IL13RA1: variants seen among roughly 807,000 people sequenced by gnomAD.
IL13RA1 encodes interleukin-13 receptor subunit alpha-1.
Under a neutral mutation model 33.8 loss-of-function variants are expected in IL13RA1, and 14 were observed. That is an observed-to-expected ratio of 0.41 (90% CI 0.27 to 0.65). The LOEUF (loss-of-function observed/expected upper bound fraction) is 0.65, where lower values mean the gene tolerates loss of function less well. IL13RA1 is among the 30% of genes least tolerant of loss of function. The probability of loss-of-function intolerance (pLI) is 0.28; values close to 1 mark genes in which losing one functional copy is unlikely to be tolerated. For synonymous variants in IL13RA1, 116 were observed against 115.7 expected, an observed-to-expected ratio of 1.00 and a Z score of -0.02; for missense variants, 313 against 327.0, an observed-to-expected ratio of 0.96 and a Z score of 0.33.
intron 5 of IL13RA1, among the ~76,000 whole-genome samples, chrX:118,760,784 G>A (rs2017582067): frequency 8.9e-6 from 1 of 111,775 alleles, no homozygotes; most frequent in African/African-American, 3.3e-5. Flanking sequence ...TTGCTTCCAG[G>A]AACTTCCAAG....
intron 10 of IL13RA1, among the ~76,000 whole-genome samples, chrX:118,778,955 C>T (rs951540018): frequency 2.7e-5 from 3 of 111,941 alleles, no homozygotes; most frequent in African/African-American, 9.7e-5. Context: ...TGTCTTAATG[C>T]TAGACTTCTC....
intron 4 of IL13RA1, among the ~76,000 whole-genome samples, chrX:118,755,973 G>A (rs919953912): frequency 9.0e-6 from 1 of 110,657 alleles, no homozygotes; most frequent in Non-Finnish European, 1.9e-5. Context: ...GCATTCCTTT[G>A]TGCAGCCTTT....
chrX:118,765,722 AAC>A (rs1451019019), intron 6 of IL13RA1, among the ~76,000 whole-genome samples: 1 of 112,400 alleles, frequency 8.9e-6, no homozygotes, highest in Non-Finnish European at 1.9e-5. Flanking sequence ...AGTAGATAAT[AAC>A]AGTTTTCCTG....
At chrX:118,756,261 A>G (rs891956961) in intron 4 of IL13RA1, among the ~76,000 whole-genome samples, 1 of 111,272 alleles carries the variant, frequency 9.0e-6, no homozygotes, top group Non-Finnish European at 1.9e-5. Flanking sequence ...TTTGTGGCTG[A>G]TGATGTAAGA....
At chrX:118,735,611 G>A (rs765436928) in intron 1 of IL13RA1, among the ~76,000 whole-genome samples, 2 of 111,816 alleles carry the variant, frequency 1.8e-5, no homozygotes, top group African/African-American at 3.3e-5. Context: ...GCAGTAGCAC[G>A]ATCTCAGCTC....
At chrX:118,777,915 T>G (rs974200616) in intron 10 of IL13RA1, among the ~76,000 whole-genome samples, 2 of 112,084 alleles carry the variant, frequency 1.8e-5, no homozygotes, top group African/African-American at 6.5e-5. Context: ...TACTGCATAG[T>G]AGATAATAGC....
chrX:118,756,521 T>C (rs1242747558), intron 4 of IL13RA1, among the ~76,000 whole-genome samples: 1 of 111,113 alleles, frequency 9.0e-6, no homozygotes, highest in Non-Finnish European at 1.9e-5. Context: ...CTGGCAGTGA[T>C]TGGAGGGCAC....
At chrX:118,756,883 G>A (rs181478686) in intron 4 of IL13RA1, among the ~76,000 whole-genome samples, 158 of 111,492 alleles carry the variant, frequency 1.4e-3, no homozygotes, top group Non-Finnish European at 2.5e-3. Flanking sequence ...GGAGATCTGG[G>A]ATTTGTTCTG....
chrX:118,799,522 C>G (rs1445346279), downstream of IL13RA1, among the ~76,000 whole-genome samples: 1 of 110,763 alleles, frequency 9.0e-6, no homozygotes, highest in Non-Finnish European at 1.9e-5. Context: ...GTGCACCAAT[C>G]GACACTCTGT....
rs1245045313 is a variant in IL13RA1 at position 118,773,060 on chromosome X, A to G, written c.1010-819A>G. Among the ~76,000 whole-genome samples, 3 of 112,422 alleles carry G rather than the reference A, an allele frequency of 2.7e-5. No homozygotes were observed. The Admixed American group carries it at 2.8e-4, about 11-fold the overall frequency. The stretch of plus-strand genomic sequence containing the variant: ...AACATTATTTTATGTACATAGAGAA[A>G]TTTTTATTATGAATGTTTGAGCTCA... On this transcript the variant is annotated intron_variant, in intron 8 of 10. Coordinates refer to ENST00000371666, the MANE Select transcript of IL13RA1 (RefSeq NM_001560.3).
chrX:118,757,678 C>CT (rs765835021), intron 4 of IL13RA1, among the ~76,000 whole-genome samples: 1,506 of 58,326 alleles, frequency 0.026, 334 homozygotes, highest in Non-Finnish European at 0.029. Context: ...AGAATTCTGC[C>CT]TTTTTTTTTT....
At chrX:118,801,670 T>C in the IL13RA1 span, among the ~76,000 whole-genome samples, 1 of 112,646 alleles carries the variant, frequency 8.9e-6, no homozygotes, top group Non-Finnish European at 1.9e-5. Flanking sequence ...CTGTGAGGTG[T>C]CAGTGAAATA....
At chrX:118,765,591 T>C (rs866531394) in intron 6 of IL13RA1, among the ~76,000 whole-genome samples, 1 of 112,370 alleles carries the variant, frequency 8.9e-6, no homozygotes, top group Admixed American at 9.5e-5. Context: ...TCCCATTTGG[T>C]TTTATGAATG....
intron 1 of IL13RA1, among the ~76,000 whole-genome samples, chrX:118,737,767 A>G (rs2017297904): frequency 8.9e-6 from 1 of 112,174 alleles, no homozygotes; most frequent in East Asian, 2.8e-4. Flanking sequence ...TGAACCACAA[A>G]TAGGTATATT....
chrX:118,742,168 G>A lies in IL13RA1; in HGVS notation c.228+1012G>A, dbSNP rs2017351492. 9.8e-5 allele frequency among the ~76,000 whole-genome samples: 11 copies of A among 112,149 alleles called. No homozygotes were observed. The South Asian group carries it at 4.1e-3, about 42-fold the overall frequency. On this transcript the variant is annotated intron_variant, in intron 2 of 10. Coordinates refer to ENST00000371666, the MANE Select transcript of IL13RA1 (RefSeq NM_001560.3). ...CCTCTGGAGGGAAATTTGCTAATCT[G>A]CCTTCCTCTCCCTTGTCCTGCTGAG...
intron 4 of IL13RA1, among the ~76,000 whole-genome samples, chrX:118,754,732 C>A (rs779338740): frequency 5.8e-4 from 64 of 110,198 alleles, no homozygotes; most frequent in Non-Finnish European, 1.0e-3. Context: ...TCCCGTCTCA[C>A]AGAATTAGTA....
intron 1 of IL13RA1, among the ~76,000 whole-genome samples, chrX:118,734,792 C>G (rs1416978142): frequency 3.6e-5 from 4 of 111,660 alleles, no homozygotes; most frequent in African/African-American, 1.3e-4. Flanking sequence ...CTTGTAGCGT[C>G]TTTGTCTGGC....
chrX:118,786,390 CA>C (rs112083159), intron 10 of IL13RA1, among the ~76,000 whole-genome samples: 274 of 96,955 alleles, frequency 2.8e-3, no homozygotes, highest in African/African-American at 6.0e-3. Context: ...GACTCCATCT[CA>C]AAAAAAAAAA....
chrX:118,760,597 C>T (rs545938586), intron 5 of IL13RA1, among the ~76,000 whole-genome samples: 1 of 112,210 alleles, frequency 8.9e-6, no homozygotes, highest in Non-Finnish European at 1.9e-5. Context: ...CAAATATGTT[C>T]CTTAAATTCA....
Sources: allele counts gnomAD v4.1 joint callset (sites outside exome capture counted in the v4.1 genomes callset), GRCh38; gene constraint gnomAD v4.1.1; transcripts MANE v1.5; gene names NCBI Gene and HGNC (gene_info 2026-07-23, HGNC 2026-07-21).